PITPNC1: variants seen among roughly 807,000 people sequenced by gnomAD.
PITPNC1 encodes the protein phosphatidylinositol transfer protein cytoplasmic 1, also known as cytoplasmic phosphatidylinositol transfer protein 1.
PITPNC1 carries 18 observed loss-of-function variants against 44.7 expected under a neutral mutation model. That is an observed-to-expected ratio of 0.40 (90% CI 0.28 to 0.60). The LOEUF (loss-of-function observed/expected upper bound fraction) is 0.60. Among genes scored for constraint, PITPNC1 ranks in the 20% least tolerant of loss-of-function variants. The pLI is 0.39. For synonymous variants in PITPNC1, 141 were observed against 149.6 expected (o/e 0.94, Z 0.42); for missense variants, 290 against 418.4 (o/e 0.69, Z 2.68).
intron 5 of PITPNC1, among the ~76,000 whole-genome samples, chr17:67,616,698 C>T (rs953031958): frequency 6.6e-6 from 1 of 152,146 alleles, no homozygotes; most frequent in African/African-American, 2.4e-5. Context: ...CTGGAATAAA[C>T]GTGCCCTTTC....
At chr17:67,541,869 CTT>C (rs2040612929) in intron 2 of PITPNC1, among the ~76,000 whole-genome samples, 1 of 152,214 alleles carries the variant, frequency 6.6e-6, no homozygotes, top group Non-Finnish European at 1.5e-5. Flanking sequence ...AGGAGAAAGA[CTT>C]CGGCTCAGGT....
At chr17:67,577,012 TG>T (rs2041158567) in intron 4 of PITPNC1, among the ~76,000 whole-genome samples, 2 of 152,192 alleles carry the variant, frequency 1.3e-5, no homozygotes, top group South Asian at 4.1e-4. Context: ...CCGGATGCAG[TG>T]GCTCATGGCT....
intron 2 of PITPNC1, among the ~76,000 whole-genome samples, chr17:67,547,210 G>C (rs1210479602): frequency 6.6e-6 from 1 of 152,146 alleles, no homozygotes; most frequent in Non-Finnish European, 1.5e-5. Context: ...CTTTTCTGCT[G>C]GGAATGTTCA....
chr17:67,538,780 T>C (rs111906561), intron 2 of PITPNC1, among the ~76,000 whole-genome samples: 23 of 151,990 alleles, frequency 1.5e-4, no homozygotes, highest in African/African-American at 5.5e-4. Flanking sequence ...AGCCTTTGCA[T>C]AGCAAAAGAC....
At chr17:67,388,328 GTT>G (rs768092457) in intron 1 of PITPNC1, among the ~76,000 whole-genome samples, 5 of 134,670 alleles carry the variant, frequency 3.7e-5, no homozygotes, top group Admixed American at 7.6e-5. Context: ...TTTTTTTCGT[GTT>G]TTTTTTTTTT....
chr17:67,441,010 G>A (rs754215697), intron 1 of PITPNC1, among the ~76,000 whole-genome samples: 6 of 152,166 alleles, frequency 3.9e-5, no homozygotes, highest in Non-Finnish European at 7.3e-5. Flanking sequence ...TAGTACCTAA[G>A]TGTATCAGTC....
chr17:67,471,268 A>G (rs1357666617), intron 1 of PITPNC1, among the ~76,000 whole-genome samples: 2 of 150,108 alleles, frequency 1.3e-5, no homozygotes, highest in African/African-American at 4.9e-5. Context: ...AAATTCATCC[A>G]TATTATTGGA....
intron 6 of PITPNC1, among the ~76,000 whole-genome samples, chr17:67,661,901 G>T (rs1218119790): frequency 6.6e-6 from 1 of 151,464 alleles, no homozygotes; most frequent in African/African-American, 2.4e-5. Flanking sequence ...AGGCTGAGGC[G>T]GAAGAATCGC....
intron 2 of PITPNC1, among the ~76,000 whole-genome samples, chr17:67,547,178 G>T (rs7216738): frequency 0.18 from 27,798 of 152,080 alleles, 2,800 homozygotes; most frequent in African/African-American, 0.27. Context: ...GTACGCTGTT[G>T]AGAAGAAAAT....
Position 67,532,970 on chromosome 17 carries a change from G to T in PITPNC1, c.197+20G>T. 1 of 1,595,282 alleles carries T rather than the reference G, an allele frequency of 6.3e-7. No individual in the cohort carries two copies. Among genetic ancestry groups the T allele is most frequent in the Non-Finnish European group, 8.5e-7 (1 of 1,170,232 alleles). On this transcript the variant is annotated intron_variant, in intron 2 of 8. Transcript: ENST00000581322. ...CAACAGGTGAGTCATGGCAGCCTGCGTTCTGCACAGAAGCCCCCTCCCACC... is the reference window on the plus strand; with the variant it reads ...CAACAGGTGAGTCATGGCAGCCTGCTTTCTGCACAGAAGCCCCCTCCCACC...
chr17:67,406,501 C>A (rs1289124756), intron 1 of PITPNC1, among the ~76,000 whole-genome samples: 1 of 151,970 alleles, frequency 6.6e-6, no homozygotes, highest in African/African-American at 2.4e-5. Flanking sequence ...TTTTGCTTAG[C>A]ATAATGTTTA....
At chr17:67,483,918 CTTTTTT>C (rs60856668) in intron 1 of PITPNC1, among the ~76,000 whole-genome samples, 1 of 111,746 alleles carries the variant, frequency 8.9e-6, no homozygotes. Flanking sequence ...CGTTTTCTTT[CTTTTTT>C]TTTTTTTTTT....
At chr17:67,653,218 G>A (rs967178930) in intron 6 of PITPNC1, among the ~76,000 whole-genome samples, 1 of 152,134 alleles carries the variant, frequency 6.6e-6, no homozygotes, top group Admixed American at 6.5e-5. Context: ...GGAGGTGGAG[G>A]TTGGATGGCA....
At chr17:67,632,067 G>T (rs559442915) in intron 5 of PITPNC1, 76 bp from the exon 6 acceptor site, 1 of 842,912 alleles carries the variant, frequency 1.2e-6, no homozygotes, top group East Asian at 2.4e-5. Context: ...TCTGTGTGGG[G>T]GTTATTCTGC....
At chr17:67,391,882 C>G (rs1252552925) in intron 1 of PITPNC1, among the ~76,000 whole-genome samples, 1 of 152,070 alleles carries the variant, frequency 6.6e-6, no homozygotes, top group Admixed American at 6.6e-5. Context: ...AGAAAGTGGT[C>G]CAGAAATTTT....
intron 1 of PITPNC1, among the ~76,000 whole-genome samples, chr17:67,443,248 C>T (rs1051878479): frequency 2.0e-5 from 3 of 151,978 alleles, no homozygotes; most frequent in African/African-American, 7.2e-5. Flanking sequence ...CTGAATTGTG[C>T]CCCTGTCTCC....
At chr17:67,440,257 C>T (rs74559349) in intron 1 of PITPNC1, among the ~76,000 whole-genome samples, 1,620 of 152,204 alleles carry the variant, frequency 0.011, 34 homozygotes, top group African/African-American at 0.035. Flanking sequence ...TAAAGACAGG[C>T]TCTAACCCCG....
At chr17:67,447,862 TTCTC>T (rs1253135883) in intron 1 of PITPNC1, among the ~76,000 whole-genome samples, 2 of 147,234 alleles carry the variant, frequency 1.4e-5, no homozygotes, top group East Asian at 3.9e-4. Flanking sequence ...CTTTCTTTCT[TTCTC>T]TCTCTGTCTC....
At chr17:67,600,898 C>T (rs967380385) in intron 5 of PITPNC1, among the ~76,000 whole-genome samples, 14 of 152,016 alleles carry the variant, frequency 9.2e-5, no homozygotes, top group African/African-American at 3.4e-4. Context: ...TAAATCCTTA[C>T]ATCAACGTAT....
Sources: allele counts gnomAD v4.1 joint callset (sites outside exome capture counted in the v4.1 genomes callset), GRCh38; gene constraint gnomAD v4.1.1; transcripts MANE v1.5; gene names NCBI Gene and HGNC (gene_info 2026-07-23, HGNC 2026-07-21).